Variants in COX17 observed in about 807,000 individuals in gnomAD.
COX17 encodes cytochrome c oxidase copper chaperone COX17.
COX17 carries 1 observed loss-of-function variant against 6.3 expected under a neutral mutation model. That is an observed-to-expected ratio of 0.16 (90% CI 0.06 to 0.75). The LOEUF is 0.75. Ranked by LOEUF, COX17 falls within the 30% of genes least tolerant of loss-of-function variation. The pLI, the probability that COX17 is intolerant of heterozygous loss-of-function variation, is 0.77. For missense variants in COX17, 73 were observed against 81.2 expected (o/e 0.90, Z 0.39); for synonymous variants, 26 against 30.5 (o/e 0.85, Z 0.49).
chr3:119,677,179 GC>G, intron 1 of COX17, 24 bp downstream of exon 1: 1 of 1,587,780 alleles, frequency 6.3e-7, no homozygotes, highest in East Asian at 2.3e-5. Flanking sequence ...CTCGTCGGCC[GC>G]GCCCTCTCCG....
chr3:119,668,601 G>A (rs1218423892), downstream of COX17, among the ~76,000 whole-genome samples: 2 of 149,290 alleles, frequency 1.3e-5, no homozygotes, highest in African/African-American at 2.5e-5. Context: ...CCTTGCTTGA[G>A]GTCACATAGC....
downstream of COX17, among the ~76,000 whole-genome samples, chr3:119,667,694 C>A (rs1330283433): frequency 2.9e-5 from 1 of 33,958 alleles, no homozygotes; most frequent in Non-Finnish European, 1.1e-4. Context: ...GGTGTACACA[C>A]ACACACACAC....
chr3:119,670,771 T>C (rs1273184631), intron 2 of COX17, among the ~76,000 whole-genome samples: 1 of 151,992 alleles, frequency 6.6e-6, no homozygotes, highest in Non-Finnish European at 1.5e-5. Flanking sequence ...TGTGTGTGTG[T>C]GTGTGTGTGT....
downstream of COX17, chr3:119,665,173 T>C (rs1217729041): frequency 5.9e-5 from 9 of 152,194 alleles, no homozygotes; most frequent in Admixed American, 5.9e-4. Context: ...AGTAGACCTG[T>C]GAGCAATGAG....
At chr3:119,670,838 T>C (rs922905936) in intron 2 of COX17, among the ~76,000 whole-genome samples, 5 of 152,082 alleles carry the variant, frequency 3.3e-5, no homozygotes, top group Middle Eastern at 3.4e-3. Context: ...AAACTTAATA[T>C]TGAGTATCAC....
downstream of COX17, among the ~76,000 whole-genome samples, chr3:119,665,711 T>C (rs1577177409): frequency 6.6e-6 from 1 of 152,178 alleles, no homozygotes; most frequent in Non-Finnish European, 1.5e-5. Context: ...AGCCACTATC[T>C]CAAACCAGGA....
chr3:119,668,738 AT>A (rs2053015831), downstream of COX17, among the ~76,000 whole-genome samples: 1 of 152,046 alleles, frequency 6.6e-6, no homozygotes. Flanking sequence ...TCACACAATG[AT>A]ACATGAACAT....
At chr3:119,675,933 T>C (rs1156594618) in intron 1 of COX17, among the ~76,000 whole-genome samples, 3 of 152,212 alleles carry the variant, frequency 2.0e-5, no homozygotes, top group Non-Finnish European at 2.9e-5. Flanking sequence ...TCTCCTTCCA[T>C]GGAAACTCTA....
At chr3:119,671,055 T>C (rs1010847809) in intron 2 of COX17, among the ~76,000 whole-genome samples, 7 of 152,166 alleles carry the variant, frequency 4.6e-5, no homozygotes, top group African/African-American at 1.7e-4. Context: ...ATCACCACCA[T>C]ACCTATTTTT....
chr3:119,665,361 A>G (rs1337434707), downstream of COX17: 1 of 152,148 alleles, frequency 6.6e-6, no homozygotes, highest in East Asian at 1.9e-4. Context: ...AAAATAGAAC[A>G]AGCCTAGGTT....
chr3:119,673,913 G>C (rs1033599009), intron 2 of COX17, among the ~76,000 whole-genome samples: 1 of 152,104 alleles, frequency 6.6e-6, no homozygotes. Flanking sequence ...CCACTGTCTG[G>C]GAAGTGAGGA....
rs2053116299 is a variant in COX17, at chr3:119,677,305, C to T, written c.6G>A (p.Pro2=). The T allele has an allele frequency of 6.2e-7, 1 of 1,611,006 alleles. No individual in the cohort carries two copies. The highest frequency in any genetic ancestry group is 1.7e-5 in the Admixed American group (1 of 59,928). Residue 2 remains proline (P), a synonymous_variant, in exon 1 of 3, where the codon CCG becomes CCA. Transcript: ENST00000261070. M[P]GLVDSNPAPP... is the part of the protein sequence containing the mutation. Reference sequence around the variant, plus strand: ...GGGCAGGGTTTGAGTCAACCAGACCCGGCATCTTTCGCGCCAAAAGCAGCT... The same window carrying T: ...GGGCAGGGTTTGAGTCAACCAGACCTGGCATCTTTCGCGCCAAAAGCAGCT...
chr3:119,667,538 C>G (rs1553701485), downstream of COX17, among the ~76,000 whole-genome samples: 1 of 152,072 alleles, frequency 6.6e-6, no homozygotes, highest in Non-Finnish European at 1.5e-5. Context: ...TGGGGGCAGT[C>G]CTCACTCAAA....
chr3:119,670,979 C>G (rs1459629855), intron 2 of COX17, among the ~76,000 whole-genome samples: 1 of 152,050 alleles, frequency 6.6e-6, no homozygotes, highest in East Asian at 1.9e-4. Context: ...TAATGAGGTT[C>G]TAGGTTCTTC....
downstream of COX17, among the ~76,000 whole-genome samples, chr3:119,667,633 C>T (rs1410916693): frequency 6.9e-6 from 1 of 144,788 alleles, no homozygotes; most frequent in Non-Finnish European, 1.5e-5. Flanking sequence ...CATAAGGAGA[C>T]TTCTATTGCA....
chr3:119,671,509 C>T (rs2053043835), intron 2 of COX17, among the ~76,000 whole-genome samples: 1 of 152,148 alleles, frequency 6.6e-6, no homozygotes, highest in Non-Finnish European at 1.5e-5. Flanking sequence ...AAAATGTGAT[C>T]TAACAGTCTA....
chr3:119,671,459 T>A (rs1333158472), intron 2 of COX17, among the ~76,000 whole-genome samples: 1 of 152,240 alleles, frequency 6.6e-6, no homozygotes, highest in Non-Finnish European at 1.5e-5. Flanking sequence ...CAGAGAGATC[T>A]AAGTTTGCAA....
intron 2 of COX17, among the ~76,000 whole-genome samples, chr3:119,671,831 TC>T (rs752959199): frequency 1.3e-5 from 2 of 152,212 alleles, no homozygotes; most frequent in Non-Finnish European, 2.9e-5. Flanking sequence ...CTTGAGCAAG[TC>T]TTTTTTGACT....
intron 2 of COX17, among the ~76,000 whole-genome samples, chr3:119,672,538 T>A (rs2053054544): frequency 6.6e-6 from 1 of 152,158 alleles, no homozygotes; most frequent in South Asian, 2.1e-4. Context: ...GGGAGTTAGA[T>A]CATGAACAAG....
Sources: allele counts gnomAD v4.1 joint callset (sites outside exome capture counted in the v4.1 genomes callset), GRCh38; gene constraint gnomAD v4.1.1; transcripts MANE v1.5; gene names NCBI Gene and HGNC (gene_info 2026-07-23, HGNC 2026-07-21).